Variants in ST8SIA2 observed in about 807,000 individuals in gnomAD.
ST8SIA2 encodes the protein ST8 alpha-N-acetyl-neuraminide alpha-2,8-sialyltransferase 2, also known as alpha-2,8-sialyltransferase 8B.
Under a neutral mutation model 37.6 loss-of-function variants are expected in ST8SIA2, and 22 were observed. That is an observed-to-expected ratio of 0.58 (90% CI 0.42 to 0.83). The LOEUF is 0.83. ST8SIA2 is among the 40% of genes least tolerant of loss of function. The probability of loss-of-function intolerance (pLI) is 0.00; values close to 1 mark genes in which losing one functional copy is unlikely to be tolerated. For synonymous variants in ST8SIA2, 205 were observed against 201.2 expected (o/e 1.02, Z -0.16); for missense variants, 382 against 484.7 (o/e 0.79, Z 1.99).
chr15:92,444,519 TG>T, intron 4 of ST8SIA2, 116 bp from the exon 5 acceptor site: 2 of 1,271,310 alleles, frequency 1.6e-6, no homozygotes, highest in Admixed American at 1.8e-5. Context: ...AGAGATGCCC[TG>T]GGTCTTTGTT....
chr15:92,425,719 T>C (rs1213035507), intron 1 of ST8SIA2, among the ~76,000 whole-genome samples: 1 of 152,144 alleles, frequency 6.6e-6, no homozygotes, highest in African/African-American at 2.4e-5. Flanking sequence ...GGGTCTAGGA[T>C]TGGCTAGTTT....
At chr15:92,400,243 T>C (rs2049460464) in intron 1 of ST8SIA2, among the ~76,000 whole-genome samples, 1 of 152,196 alleles carries the variant, frequency 6.6e-6, no homozygotes, top group African/African-American at 2.4e-5. Flanking sequence ...GTGTGCACCC[T>C]AGCACCCCAT....
intron 5 of ST8SIA2, among the ~76,000 whole-genome samples, chr15:92,447,152 T>A (rs549039140): frequency 6.6e-6 from 1 of 152,272 alleles, no homozygotes; most frequent in South Asian, 2.1e-4. Context: ...TTGGTCAGAT[T>A]TGCTATAAAA....
intron 5 of ST8SIA2, among the ~76,000 whole-genome samples, chr15:92,454,090 G>A (rs542937274): frequency 2.6e-5 from 4 of 152,286 alleles, no homozygotes; most frequent in South Asian, 4.1e-4. Flanking sequence ...AGATTAGCTC[G>A]CTAATCAGGG....
intron 4 of ST8SIA2, among the ~76,000 whole-genome samples, chr15:92,438,845 C>T (rs1275740546): frequency 6.6e-6 from 1 of 152,084 alleles, no homozygotes; most frequent in African/African-American, 2.4e-5. Flanking sequence ...GGCAGGGGTG[C>T]GGGCAACCCA....
chr15:92,446,804 G>T (rs1238805327), intron 5 of ST8SIA2, among the ~76,000 whole-genome samples: 1 of 152,188 alleles, frequency 6.6e-6, no homozygotes, highest in African/African-American at 2.4e-5. Context: ...GGAACCTTAA[G>T]TGCAAAGGCC....
intron 5 of ST8SIA2, among the ~76,000 whole-genome samples, chr15:92,455,308 G>A (rs996201363): frequency 1.3e-4 from 20 of 152,132 alleles, no homozygotes; most frequent in African/African-American, 4.6e-4. Flanking sequence ...GGACGTCTGT[G>A]ATATTAAGGC....
chr15:92,455,032 G>A (rs1226204618), intron 5 of ST8SIA2, among the ~76,000 whole-genome samples: 1 of 152,128 alleles, frequency 6.6e-6, no homozygotes, highest in Non-Finnish European at 1.5e-5. Context: ...CCTCTGGCCA[G>A]GGCCAGAGGG....
rs181942368 is a variant in ST8SIA2 at position 92,454,243 on chromosome 15, C to G, written c.842+9314C>G. Among the ~76,000 whole-genome samples, 348 of 152,182 alleles carry G rather than the reference C, an allele frequency of 2.3e-3. 1 individual carries two copies. Among genetic ancestry groups the G allele is most frequent in the Non-Finnish European group, 3.7e-3 (252 of 68,004 alleles). On this transcript the variant is annotated intron_variant, in intron 5 of 5. Transcript: ENST00000268164. The stretch of plus-strand genomic sequence containing the variant: ...CTGTGAGGGAAGGATCTGCACCAGG[C>G]CTCTCACCTTGGCTTGCAGATCGCC...
At position 92,461,371 on chromosome 15, in the gene ST8SIA2, G is replaced by A. The variant is rs566024872; in HGVS notation, c.843-2729G>A. ...CCCCAAAAATATATATCTCTTCTGG[G>A]AAGCATCCTTTCCCATTCTGAAATA... is the stretch of plus-strand genomic sequence containing the variant. On this transcript the variant is annotated intron_variant, in intron 5 of 5. Coordinates refer to ENST00000268164, the MANE Select transcript of ST8SIA2 (RefSeq NM_006011.4). Among the ~76,000 whole-genome samples the A allele has an allele frequency of 1.7e-3, 257 of 152,302 alleles. 1 individual carries two copies. The highest frequency in any genetic ancestry group is 0.01 in the Middle Eastern group (3 of 294).
At chr15:92,396,464 G>GT (rs1210731943) in intron 1 of ST8SIA2, among the ~76,000 whole-genome samples, 2 of 144,118 alleles carry the variant, frequency 1.4e-5, no homozygotes, top group Non-Finnish European at 3.0e-5. Context: ...TTGTTTGTTT[G>GT]TTTTTGTTTT....
intron 1 of ST8SIA2, among the ~76,000 whole-genome samples, chr15:92,427,212 G>T (rs2049682720): frequency 7.5e-6 from 1 of 133,402 alleles, no homozygotes; most frequent in Non-Finnish European, 1.5e-5. Context: ...TACACAGTTT[G>T]TTTGTCTATT....
intron 2 of ST8SIA2, among the ~76,000 whole-genome samples, chr15:92,433,892 C>T (rs1445689868): frequency 6.6e-6 from 1 of 152,064 alleles, no homozygotes; most frequent in Non-Finnish European, 1.5e-5. Flanking sequence ...CTTTGTTGCT[C>T]ATATACCTGC....
chr15:92,402,446 C>T (rs1243908845), intron 1 of ST8SIA2, among the ~76,000 whole-genome samples: 1 of 152,146 alleles, frequency 6.6e-6, no homozygotes, highest in Non-Finnish European at 1.5e-5. Context: ...TAGTAAGGTG[C>T]AGAGCTGGGA....
chr15:92,440,687 G>A (rs117856206), intron 4 of ST8SIA2, among the ~76,000 whole-genome samples: 90 of 152,246 alleles, frequency 5.9e-4, no homozygotes, highest in Non-Finnish European at 1.1e-3. Context: ...TCAGGGATAC[G>A]ATACCCAGCA....
intron 5 of ST8SIA2, among the ~76,000 whole-genome samples, chr15:92,457,748 C>T (rs1222002152): frequency 6.6e-6 from 1 of 152,176 alleles, no homozygotes; most frequent in East Asian, 1.9e-4. Context: ...ACAAGCTGCT[C>T]GTTAAGTGGC....
At chr15:92,399,750 AT>A (rs1233817933) in intron 1 of ST8SIA2, among the ~76,000 whole-genome samples, 1 of 152,182 alleles carries the variant, frequency 6.6e-6, no homozygotes, top group Non-Finnish European at 1.5e-5. Flanking sequence ...TCACATTTAA[AT>A]TGTAAATAGA....
intron 3 of ST8SIA2, among the ~76,000 whole-genome samples, chr15:92,434,678 A>G (rs1283662614): frequency 6.6e-6 from 1 of 152,224 alleles, no homozygotes; most frequent in Non-Finnish European, 1.5e-5. Flanking sequence ...AGTGGAGGCC[A>G]CAGGTGGCTG....
chr15:92,434,210 A>G, intron 2 of ST8SIA2, 37 bp from the exon 3 acceptor site: 1 of 1,613,040 alleles, frequency 6.2e-7, no homozygotes, highest in Non-Finnish European at 8.5e-7. Context: ...TTGCTAACAC[A>G]TCATGTCTAC....
Sources: gnomAD v4.1 joint callset for allele counts (sites outside exome capture counted in the v4.1 genomes callset) on GRCh38, gnomAD v4.1.1 for gene constraint, MANE v1.5 for transcripts, NCBI Gene and HGNC (gene_info 2026-07-23, HGNC 2026-07-21) for gene names.